The following KSR2 variants were observed in gnomAD, a reference collection of about 807,000 sequenced individuals.
KSR2 encodes the protein kinase suppressor of ras 2.
Under a neutral mutation model 107.8 loss-of-function variants are expected in KSR2, and 25 were observed. That is an observed-to-expected ratio of 0.23 (90% CI 0.17 to 0.32). KSR2 has a LOEUF of 0.32. Among genes scored for constraint, KSR2 ranks in the 10% least tolerant of loss-of-function variants. The probability of loss-of-function intolerance (pLI) is 1.00; values close to 1 mark genes in which losing one functional copy is unlikely to be tolerated. For synonymous variants in KSR2, 480 were observed against 507.0 expected (o/e 0.95, Z 0.71); for missense variants, 887 against 1,268.9 (o/e 0.70, Z 4.57).
At chr12:117,524,320 AAT>A (rs1391068954) in intron 14 of KSR2, among the ~76,000 whole-genome samples, 1 of 152,226 alleles carries the variant, frequency 6.6e-6, no homozygotes, top group East Asian at 1.9e-4. Context: ...CGATGTTTCT[AAT>A]TCCCCATTTA....
intron 4 of KSR2, among the ~76,000 whole-genome samples, chr12:117,706,160 C>T (rs371738113): frequency 5.0e-4 from 76 of 151,324 alleles, no homozygotes; most frequent in Non-Finnish European, 9.4e-4. Flanking sequence ...TCTCCTGCCT[C>T]GGCCTCCCAA....
intron 1 of KSR2, among the ~76,000 whole-genome samples, chr12:117,896,466 T>C (rs1894514127): frequency 6.6e-6 from 1 of 151,740 alleles, no homozygotes; most frequent in South Asian, 2.1e-4. Context: ...ACATTTTTTT[T>C]TTTTTTTTTT....
intron 2 of KSR2, among the ~76,000 whole-genome samples, chr12:117,856,008 G>A (rs1338760788): frequency 6.6e-6 from 1 of 152,122 alleles, no homozygotes; most frequent in East Asian, 1.9e-4. Context: ...GACAAGGCAG[G>A]TGTGCTGGTG....
chr12:117,563,422 T>C (rs1052056025), intron 7 of KSR2, among the ~76,000 whole-genome samples: 3 of 152,182 alleles, frequency 2.0e-5, no homozygotes, highest in Non-Finnish European at 4.4e-5. Flanking sequence ...CACCACTCCC[T>C]GGCTGTGATA....
At chr12:117,571,229 T>C (rs566658855) in intron 7 of KSR2, among the ~76,000 whole-genome samples, 45 of 152,094 alleles carry the variant, frequency 3.0e-4, no homozygotes, top group African/African-American at 1.0e-3. Flanking sequence ...CTGTACTCCA[T>C]CCTGGGCAAC....
chr12:117,591,255 T>C (rs1880296314), intron 5 of KSR2, among the ~76,000 whole-genome samples: 1 of 152,184 alleles, frequency 6.6e-6, no homozygotes, highest in Non-Finnish European at 1.5e-5. Flanking sequence ...AAATTAACTC[T>C]TTCCTCTCAC....
Position 117,822,571 on chromosome 12 carries a change from A to G in KSR2, c.472+32857T>C, listed in dbSNP as rs1220517930. On this transcript the variant is annotated intron_variant, in intron 3 of 19. Transcript: ENST00000339824. ...CTTAAATGTGCTCAGAACACTTTCC[A>G]TTGACTGGAAGCCTTACTGATAATA... 3.9e-5 allele frequency among the ~76,000 whole-genome samples: 6 copies of G among 152,244 alleles called. 1 individual carries two copies. Among genetic ancestry groups the G allele is most frequent in the South Asian group, 2.1e-4 (1 of 4,828 alleles).
chr12:117,575,773 T>C lies in KSR2; in HGVS notation c.1325+3346A>G, dbSNP rs371632083. Among the ~76,000 whole-genome samples the C allele has an allele frequency of 2.6e-5, 4 of 152,320 alleles. No homozygotes were observed. The East Asian group carries it at 7.7e-4, about 29-fold the overall frequency. On this transcript the variant is annotated intron_variant, in intron 7 of 19. Coordinates refer to ENST00000339824, the MANE Select transcript of KSR2 (RefSeq NM_173598.6). ...TTTGTCTCTTATATGCCAGGAGTCATTTTTGCACAAGACGGAATAGGGAAG... is the reference window on the plus strand; with the variant it reads ...TTTGTCTCTTATATGCCAGGAGTCACTTTTGCACAAGACGGAATAGGGAAG...
chr12:117,540,107 ACTGC>A (rs1876374393), intron 9 of KSR2, among the ~76,000 whole-genome samples: 1 of 152,024 alleles, frequency 6.6e-6, no homozygotes, highest in African/African-American at 2.4e-5. Flanking sequence ...ATTCCTGTCC[ACTGC>A]TTGGACCCCA....
At chr12:117,713,907 G>A (rs1486266256) in intron 4 of KSR2, among the ~76,000 whole-genome samples, 6 of 152,208 alleles carry the variant, frequency 3.9e-5, no homozygotes, top group African/African-American at 1.4e-4. Flanking sequence ...TTGCTTCTAA[G>A]TCAGAGTTAA....
intron 5 of KSR2, among the ~76,000 whole-genome samples, chr12:117,599,510 G>T (rs577084912): frequency 6.6e-6 from 1 of 152,194 alleles, no homozygotes; most frequent in East Asian, 1.9e-4. Context: ...GACCTAAATC[G>T]AGAATTTCCC....
chr12:117,705,657 G>A (rs1886494232), intron 4 of KSR2, among the ~76,000 whole-genome samples: 1 of 152,212 alleles, frequency 6.6e-6, no homozygotes, highest in Admixed American at 6.5e-5. Context: ...CCAGAAACCA[G>A]GCTTGTAGCT....
chr12:117,957,539 G>T (rs545112088), intron 1 of KSR2, among the ~76,000 whole-genome samples: 5 of 152,066 alleles, frequency 3.3e-5, no homozygotes, highest in Non-Finnish European at 7.4e-5. Flanking sequence ...AAGAAGGAAG[G>T]CCAGGCCCTA....
At chr12:117,960,496 GA>G (rs958645334) in intron 1 of KSR2, among the ~76,000 whole-genome samples, 10 of 152,152 alleles carry the variant, frequency 6.6e-5, no homozygotes, top group Admixed American at 1.3e-4. Flanking sequence ...TATCCTGCCA[GA>G]AAAGCCATGG....
chr12:117,757,956 A>C (rs980509366), intron 4 of KSR2, among the ~76,000 whole-genome samples: 24 of 152,208 alleles, frequency 1.6e-4, no homozygotes, highest in African/African-American at 5.1e-4. Flanking sequence ...TTTACAAAAC[A>C]ACACTAAAAC....
intron 4 of KSR2, among the ~76,000 whole-genome samples, chr12:117,692,381 C>A (rs1035986888): frequency 6.8e-6 from 1 of 147,398 alleles, no homozygotes; most frequent in African/African-American, 2.5e-5. Flanking sequence ...GTGCAGCTGG[C>A]GTGAAATAGT....
At chr12:117,908,172 TATCAC>T (rs1391621361) in intron 1 of KSR2, among the ~76,000 whole-genome samples, 1 of 151,990 alleles carries the variant, frequency 6.6e-6, no homozygotes, top group African/African-American at 2.4e-5. Context: ...TAAATGAACT[TATCAC>T]ATATCTCATA....
rs117901583 is a variant in KSR2, at chr12:117,568,482, G to A, written c.1326-9909C>T. Among the ~76,000 whole-genome samples the A allele has an allele frequency of 1.5e-3, 223 of 152,244 alleles. 3 individuals are homozygous for A. The East Asian group carries it at 0.03, about 20-fold the overall frequency. ...AGCCAGCCCTTTGCCCGTGTAAAGC[G>A]GTTAAAAGTCTGGGATCGTGAATCT... On this transcript the variant is annotated intron_variant, in intron 7 of 19. Transcript: ENST00000339824.
intron 4 of KSR2, among the ~76,000 whole-genome samples, chr12:117,691,403 T>C (rs147626587): frequency 5.9e-4 from 90 of 152,308 alleles, no homozygotes; most frequent in Admixed American, 3.7e-3. Flanking sequence ...CCTAGGAAAC[T>C]GGATAAGAGC....
Sources: gnomAD v4.1 joint callset for allele counts (sites outside exome capture counted in the v4.1 genomes callset) on GRCh38, gnomAD v4.1.1 for gene constraint, MANE v1.5 for transcripts, NCBI Gene and HGNC (gene_info 2026-07-23, HGNC 2026-07-21) for gene names.